The following LAMA2 variants were observed in gnomAD, a reference collection of about 807,000 sequenced individuals.
The protein encoded by LAMA2 is laminin subunit alpha 2.
A neutral mutation model predicts 364.8 loss-of-function variants in LAMA2; 269 were observed. That is an observed-to-expected ratio of 0.74 (90% confidence interval 0.67 to 0.82). The LOEUF (loss-of-function observed/expected upper bound fraction) is 0.82. Ranked by LOEUF, LAMA2 falls within the 40% of genes least tolerant of loss-of-function variation. The pLI, the probability that LAMA2 is intolerant of heterozygous loss-of-function variation, is 0.00. For synonymous variants in LAMA2, 1,379 were observed against 1,370.6 expected (o/e 1.01, Z -0.14); for missense variants, 3,807 against 3,873.2 (o/e 0.98, Z 0.45).
intron 34 of LAMA2, among the ~76,000 whole-genome samples, chr6:129,380,984 G>T (rs945377827): frequency 2.6e-5 from 4 of 152,254 alleles, no homozygotes; most frequent in South Asian, 2.1e-4. Context: ...ATTTAAAAGA[G>T]ACAGTGTATG....
At chr6:129,434,166 C>G (rs1315433180) in intron 41 of LAMA2, among the ~76,000 whole-genome samples, 1 of 152,166 alleles carries the variant, frequency 6.6e-6, no homozygotes, top group Non-Finnish European at 1.5e-5. Context: ...AGTAACTGCT[C>G]ATTATTAATG....
chr6:129,035,301 C>CT (rs546836712), intron 1 of LAMA2, among the ~76,000 whole-genome samples: 4,623 of 129,458 alleles, frequency 0.036, 213 homozygotes, highest in African/African-American at 0.12. Context: ...CTTTTCTTTT[C>CT]TTTTTTTTTT....
rs1362169492 is a variant in LAMA2, at chr6:128,994,745, A to G, written c.113-55173A>G. On this transcript the variant is annotated intron_variant, in intron 1 of 64. Coordinates refer to ENST00000421865, the MANE Select transcript of LAMA2 (RefSeq NM_000426.4). The stretch of plus-strand genomic sequence containing the variant: ...AAAACTTTAAGCAGGTATCATGTAG[A>G]ATAACATACTCAACAGATATTATTT... Among the ~76,000 whole-genome samples, 15 of 152,278 alleles carry G rather than the reference A, an allele frequency of 9.9e-5. 1 individual carries two copies. The East Asian group carries it at 2.7e-3, about 27-fold the overall frequency.
chr6:129,361,165 G>A (rs1448280771), intron 32 of LAMA2, among the ~76,000 whole-genome samples: 1 of 152,160 alleles, frequency 6.6e-6, no homozygotes, highest in African/African-American at 2.4e-5. Flanking sequence ...TTGCTTGCTT[G>A]CATCCTAGGA....
Position 129,353,174 on chromosome 6 carries a change from G to A in LAMA2, c.4534G>A (p.Gly1512Ser). 6.2e-7 allele frequency: 1 copy of A among 1,613,418 alleles called. No individual in the cohort carries two copies. Among genetic ancestry groups the A allele is most frequent in the African/African-American group, 1.3e-5 (1 of 74,994 alleles). Reference sequence around the variant, plus strand: ...ACTGTTTCAATTCAGGTGTGCCCCTGGCTATACTGGCAGTCCAGGCAACCC... The same window carrying A: ...ACTGTTTCAATTCAGGTGTGCCCCTAGCTATACTGGCAGTCCAGGCAACCC... ...EGQYCERCAP[G>S]YTGSPGNPGG... is the part of the protein sequence containing the mutation. Residue 1512 changes from glycine (G) to serine (S), a missense_variant, in exon 32 of 65, where the codon GGC (glycine) becomes AGC (serine). Physicochemically the swap from Gly to Ser is moderately conservative, Grantham distance 56. This residue lies in a region of LAMA2 where 3,333 missense variants were observed against 3,345.7 expected (regional missense o/e 1.00). Transcript: ENST00000421865.
chr6:129,317,547 G>A (rs1473334940), intron 27 of LAMA2, among the ~76,000 whole-genome samples: 2 of 151,720 alleles, frequency 1.3e-5, no homozygotes, highest in African/African-American at 4.8e-5. Flanking sequence ...TATTCCTTGG[G>A]TTTCCTTTTG....
chr6:129,416,598 G>T (rs1357338816), intron 40 of LAMA2, among the ~76,000 whole-genome samples: 1 of 152,158 alleles, frequency 6.6e-6, no homozygotes, highest in African/African-American at 2.4e-5. Context: ...GCATGTGGGG[G>T]CTTGTATAAG....
chr6:128,955,846 T>G lies in LAMA2; in HGVS notation c.112+72489T>G, dbSNP rs1032871368. Among the ~76,000 whole-genome samples, 7 of 152,058 alleles carry G rather than the reference T, an allele frequency of 4.6e-5. No individual in the cohort carries two copies. The East Asian group carries it at 1.2e-3, about 25-fold the overall frequency. On this transcript the variant is annotated intron_variant, in intron 1 of 64. Transcript: ENST00000421865. Reference sequence around the variant, plus strand: ...TGTAAAAACATTTTAAATGCCTCCATTTTTTAGATGATAGCTACACATTAA... The same window carrying G: ...TGTAAAAACATTTTAAATGCCTCCAGTTTTTAGATGATAGCTACACATTAA...
intron 37 of LAMA2, among the ~76,000 whole-genome samples, chr6:129,393,636 T>G (rs1779447616): frequency 6.6e-6 from 1 of 152,188 alleles, no homozygotes; most frequent in Non-Finnish European, 1.5e-5. Flanking sequence ...GTTCCCCAAA[T>G]CTACAATAAG....
chr6:129,116,479 A>G (rs1309583278), intron 4 of LAMA2, among the ~76,000 whole-genome samples: 1 of 152,134 alleles, frequency 6.6e-6, no homozygotes, highest in Non-Finnish European at 1.5e-5. Context: ...TGAAGTTCTG[A>G]TCACAGCTAT....
In LAMA2 at chr6:129,141,840, C is replaced by T. The variant is rs114727471; in HGVS notation, c.640-2061C>T. On this transcript the variant is annotated intron_variant, in intron 4 of 64. Coordinates refer to ENST00000421865, the MANE Select transcript of LAMA2 (RefSeq NM_000426.4). ...ACTCCCACTTCCTGCATCCCTGTACCTTTAGCACTGTGTGCATGTTTGTGT... is the reference window on the plus strand; with the variant it reads ...ACTCCCACTTCCTGCATCCCTGTACTTTTAGCACTGTGTGCATGTTTGTGT... Among the ~76,000 whole-genome samples, 559 of 152,042 alleles carry T rather than the reference C, an allele frequency of 3.7e-3. 6 individuals are homozygous for T. The highest frequency in any genetic ancestry group is 0.013 in the African/African-American group (526 of 41,486).
At chr6:129,179,682 G>C (rs1207135401) in intron 10 of LAMA2, among the ~76,000 whole-genome samples, 1 of 152,056 alleles carries the variant, frequency 6.6e-6, no homozygotes, top group Non-Finnish European at 1.5e-5. Flanking sequence ...TCATAAAAGA[G>C]AATGAAAATT....
chr6:129,447,901 A>G lies in LAMA2; in HGVS notation c.6429+2080A>G, dbSNP rs549881117. On this transcript the variant is annotated intron_variant, in intron 45 of 64. Coordinates refer to ENST00000421865, the MANE Select transcript of LAMA2 (RefSeq NM_000426.4). ...ATCTAGACATTTTTATTATTTCTTC[A>G]TTGTAAAGATTTCTGAGTGCTTTTC... Among the ~76,000 whole-genome samples the G allele has an allele frequency of 2.0e-5, 3 of 152,344 alleles. No homozygotes were observed. The East Asian group carries it at 5.8e-4, about 29-fold the overall frequency.
Position 129,149,015 on chromosome 6 carries a change from G to T in LAMA2, c.946G>T (p.Asp316Tyr), listed in dbSNP as rs141340479. The stretch of plus-strand genomic sequence containing the variant: ...TGAGTGTGAGCATAACACATGTGGC[G>T]ATAGCTGTGATCAGTGCTGTCCAGG... ...RCECEHNTCG[D>Y]SCDQCCPGFH... is the part of the protein sequence containing the mutation. Residue 316 changes from aspartate (D) to tyrosine (Y), a missense_variant, in exon 7 of 65, where the codon GAT becomes TAT. Physicochemically the swap from Asp to Tyr is radical, Grantham distance 160 (BLOSUM62 -3). This residue lies in a region of LAMA2 where 394 missense variants were observed against 403.5 expected (regional missense o/e 0.98). Transcript: ENST00000421865. The T allele has an allele frequency of 3.1e-6, 5 of 1,613,384 alleles. No individual in the cohort carries two copies. Among genetic ancestry groups the T allele is most frequent in the Non-Finnish European group, 4.2e-6 (5 of 1,179,550 alleles).
At chr6:129,029,293 C>T (rs1216021864) in intron 1 of LAMA2, among the ~76,000 whole-genome samples, 1 of 151,822 alleles carries the variant, frequency 6.6e-6, no homozygotes, top group Admixed American at 6.6e-5. Context: ...GCTTTAACTA[C>T]CATGCAATTA....
intron 45 of LAMA2, among the ~76,000 whole-genome samples, chr6:129,447,825 T>A (rs1782467047): frequency 6.6e-6 from 1 of 152,256 alleles, no homozygotes. Context: ...AATATTATTT[T>A]GTGAATCTCA....
At chr6:128,995,952 T>C (rs1242097877) in intron 1 of LAMA2, among the ~76,000 whole-genome samples, 2 of 152,232 alleles carry the variant, frequency 1.3e-5, no homozygotes, top group South Asian at 2.1e-4. Flanking sequence ...ACTTCCTTTT[T>C]ATTCTCTCTG....
At chr6:129,510,390 A>T (rs188369578) in intron 62 of LAMA2, among the ~76,000 whole-genome samples, 261 of 152,316 alleles carry the variant, frequency 1.7e-3, no homozygotes, top group Non-Finnish European at 3.0e-3. Context: ...ATACTAAGGA[A>T]TTAACCAAAT....
intron 51 of LAMA2, among the ~76,000 whole-genome samples, chr6:129,472,005 G>T (rs771045227): frequency 1.3e-5 from 2 of 151,930 alleles, no homozygotes; most frequent in Non-Finnish European, 2.9e-5. Flanking sequence ...GAAAGATGAT[G>T]AGTTGAGTGA....
Sources: gnomAD v4.1 joint callset for allele counts (sites outside exome capture counted in the v4.1 genomes callset) on GRCh38, gnomAD v4.1.1 for gene constraint, gnomAD v4.1.1 regional missense constraint, MANE v1.5 for transcripts, NCBI Gene and HGNC (gene_info 2026-07-23, HGNC 2026-07-21) for gene names.